The following MAU2 variants were observed in gnomAD, a reference collection of about 807,000 sequenced individuals.
MAU2 encodes MAU2 sister chromatid cohesion factor, also known as MAU2 chromatid cohesion factor homolog.
MAU2 carries 9 observed loss-of-function variants against 89.1 expected under a neutral mutation model. The ratio of observed to expected loss-of-function variants is 0.10; its 90% confidence interval spans 0.06 to 0.18. The LOEUF is 0.18. MAU2 is among the 10% of genes least tolerant of loss of function. The probability of loss-of-function intolerance (pLI) is 1.00; values close to 1 mark genes in which losing one functional copy is unlikely to be tolerated. For missense variants in MAU2, 425 were observed against 803.5 expected (o/e 0.53, Z 5.69); for synonymous variants, 357 against 343.4 (o/e 1.04, Z -0.44).
At chr19:19,335,585 G>A (rs576007652) in intron 1 of MAU2, 133 bp from the exon 2 acceptor site, 128 of 839,146 alleles carry the variant, frequency 1.5e-4, no homozygotes, top group African/African-American at 2.7e-4. Flanking sequence ...CAGGCCAAGC[G>A]GGCCGCCTTC....
At position 19,344,210 on chromosome 19, in the gene MAU2, G is replaced by C; in HGVS notation, c.1077+270G>C. ...GTGGATCACTTGAGGCCAGGAGTTT[G>C]AGACCAGCCTGGCCAACATGGCGAA... On this transcript the variant is annotated intron_variant, in intron 10 of 18. Coordinates refer to ENST00000262815, the MANE Select transcript of MAU2 (RefSeq NM_015329.4). The C allele has an allele frequency of 1.2e-5, 5 of 420,336 alleles. No homozygotes were observed. The South Asian group carries it at 1.2e-4, about 10-fold the overall frequency. 26.0% of individuals were successfully genotyped at this position (420,336 alleles called of 1,614,324 possible). A position where few individuals can be genotyped will look rare whatever the true frequency, so the allele number is the denominator to read the frequency against.
intron 13 of MAU2, chr19:19,348,247 C>G (rs1322555896): frequency 1.9e-5 from 3 of 157,426 alleles, no homozygotes; most frequent in African/African-American, 4.8e-5. Context: ...CCTGTGGTCC[C>G]AACTACTCGG....
At chr19:19,326,611 G>A (rs937021634) in intron 1 of MAU2, among the ~76,000 whole-genome samples, 2 of 150,470 alleles carry the variant, frequency 1.3e-5, no homozygotes, top group Admixed American at 6.7e-5. Context: ...GCGTGAACCC[G>A]GGCGGCGGAG....
chr19:19,335,988 G>T, intron 2 of MAU2, 134 bp from the exon 3 acceptor site: 2 of 741,126 alleles, frequency 2.7e-6, no homozygotes, highest in Non-Finnish European at 2.3e-6. Context: ...GGGGGAACAG[G>T]AAAACTTGGA....
chr19:19,332,392 A>G (rs909568018), intron 1 of MAU2, among the ~76,000 whole-genome samples: 62 of 144,026 alleles, frequency 4.3e-4, no homozygotes, highest in Admixed American at 3.0e-4. Context: ...CAGGCCGGTC[A>G]CAAAAAGAGG....
rs1160213808 is a variant in MAU2, at chr19:19,326,699, TATGTATATATATATATATATAC to T, written c.276+5567_276+5588del. On this transcript the variant is annotated intron_variant, in intron 1 of 18. Transcript: ENST00000262815. Reference sequence around the variant, plus strand: ...AGACTGTCTCAAAAAAAAATATATATATGTATATATATATATATATACATATATATATATATACACAAAAATT... The same window carrying T: ...AGACTGTCTCAAAAAAAAATATATATATATATATATATATACACAAAAATT... 1.8e-5 allele frequency among the ~76,000 whole-genome samples: 2 copies of T among 108,646 alleles called. 1 individual carries two copies. Among genetic ancestry groups the T allele is most frequent in the Admixed American group, 2.1e-4 (2 of 9,326 alleles). 71.3% of individuals were successfully genotyped at this position (108,646 alleles called of 152,430 possible).
chr19:19,336,310 C>A, intron 3 of MAU2, 123 bp downstream of exon 3: 1 of 667,678 alleles, frequency 1.5e-6, no homozygotes, highest in South Asian at 1.8e-5. Flanking sequence ...TTTTTTTGGT[C>A]GGGGTGGGAG....
At chr19:19,343,159 G>A (rs2061666336) in intron 9 of MAU2, among the ~76,000 whole-genome samples, 1 of 152,162 alleles carries the variant, frequency 6.6e-6, no homozygotes, top group African/African-American at 2.4e-5. Flanking sequence ...GTTGTGACAG[G>A]GACACTCGGG....
At chr19:19,355,212 C>T (rs2048163873) in intron 17 of MAU2, 52 bp from the exon 18 acceptor site, 1 of 1,610,598 alleles carries the variant, frequency 6.2e-7, no homozygotes. Context: ...AGTGGGAGGG[C>T]CTGGGCAGTG....
chr19:19,331,212 A>G (rs1252305131), intron 1 of MAU2, among the ~76,000 whole-genome samples: 2 of 152,004 alleles, frequency 1.3e-5, no homozygotes, highest in African/African-American at 4.8e-5. Flanking sequence ...GTTAAAAAAA[A>G]AAAACACCCG....
Position 19,345,415 on chromosome 19 carries a change from G to A in MAU2, c.1221+46G>A, listed in dbSNP as rs2061685225. 6.3e-7 allele frequency: 1 copy of A among 1,585,866 alleles called. No individual in the cohort carries two copies. Among genetic ancestry groups the A allele is most frequent in the Non-Finnish European group, 8.6e-7 (1 of 1,157,292 alleles). Reference sequence around the variant, plus strand: ...GCTGCTCGGGGCGGGCCACACTTCTGAGTAAGGAGTCGGGCGTGGTCTGTG... The same window carrying A: ...GCTGCTCGGGGCGGGCCACACTTCTAAGTAAGGAGTCGGGCGTGGTCTGTG... On this transcript the variant is annotated intron_variant, in intron 12 of 18. Coordinates refer to ENST00000262815, the MANE Select transcript of MAU2 (RefSeq NM_015329.4). The surrounding 1 kb of genome is among the most constrained non-coding windows in gnomAD (Gnocchi z 4.9).
chr19:19,337,354 C>A, intron 4 of MAU2, 89 bp downstream of exon 4: 1 of 1,019,056 alleles, frequency 9.8e-7, no homozygotes, highest in Non-Finnish European at 1.5e-6. Flanking sequence ...CAGCAGAGTC[C>A]ACGATGCGCA....
At chr19:19,342,497 C>CGTATCATTAAAAAA in intron 7 of MAU2, 38 bp from the exon 8 acceptor site, 15 of 1,516,772 alleles carry the variant, frequency 9.9e-6, no homozygotes, top group South Asian at 2.6e-5. Flanking sequence ...CCTGAGAGGC[C>CGTATCATTAAAAAA]AGGCTCAGGT....
rs2061688243 is a variant in MAU2 at position 19,345,763 on chromosome 19, C to G, written c.1221+394C>G. Among the ~76,000 whole-genome samples, 1 of 152,162 alleles carries G rather than the reference C, an allele frequency of 6.6e-6. No homozygotes were observed. The highest frequency in any genetic ancestry group is 2.4e-5 in the African/African-American group (1 of 41,434). Reference sequence around the variant, plus strand: ...GGGAGTGGTGGAGCTGGGCCATCTCCCAGGTGCTCTTTGGACAGAGGAGGA... The same window carrying G: ...GGGAGTGGTGGAGCTGGGCCATCTCGCAGGTGCTCTTTGGACAGAGGAGGA... On this transcript the variant is annotated intron_variant, in intron 12 of 18. Transcript: ENST00000262815. This position sits in a 1 kb window ranked among gnomAD's most constrained non-coding sequence, Gnocchi z 4.9.
rs761500354 is a variant in MAU2 at position 19,320,879 on chromosome 19, CAGCGGCCCA to C, written c.21_29del (p.Gln10_Ala12del). ...GCCAAAATGGCGGCTCAGGCGGCGG[CAGCGGCCCA>C]GGCGGCGGCGGCCCAGGCTGCGCAG... is the stretch of plus-strand genomic sequence containing the variant. On this transcript the variant is annotated inframe_deletion, in exon 1 of 19. Coordinates refer to ENST00000262815, the MANE Select transcript of MAU2 (RefSeq NM_015329.4). 3 of 1,513,818 alleles carry C rather than the reference CAGCGGCCCA, an allele frequency of 2.0e-6. No individual in the cohort carries two copies. The highest frequency in any genetic ancestry group is 2.6e-6 in the Non-Finnish European group (3 of 1,132,234). The allele number at this position is 1,513,818 out of a possible 1,614,324, so 93.8% of individuals were successfully genotyped here. A position where few individuals can be genotyped will look rare whatever the true frequency, so the allele number is the denominator to read the frequency against.
intron 12 of MAU2, among the ~76,000 whole-genome samples, chr19:19,346,048 G>A (rs542705416): frequency 5.9e-5 from 9 of 152,272 alleles, no homozygotes; most frequent in African/African-American, 2.2e-4. Context: ...TCTGCCACTC[G>A]GGCAAGGTCA....
intron 13 of MAU2, chr19:19,348,615 G>T: frequency 1.7e-6 from 1 of 586,786 alleles, no homozygotes; most frequent in Admixed American, 2.9e-5. Flanking sequence ...CAGCCCCTCA[G>T]CACCACTCTG....
chr19:19,355,607 G>A (rs2048168601), intron 18 of MAU2, 101 bp from the exon 19 acceptor site: 3 of 1,256,856 alleles, frequency 2.4e-6, no homozygotes, highest in East Asian at 2.3e-5. Flanking sequence ...GGAGAACAGA[G>A]TCCCGGCTGT....
chr19:19,349,569 G>T, intron 16 of MAU2, 133 bp downstream of exon 16: 1 of 756,722 alleles, frequency 1.3e-6, no homozygotes, highest in Non-Finnish European at 2.2e-6. Flanking sequence ...CTAGGTGGAT[G>T]CCCTGACTCC....
Sources: gnomAD v4.1 joint callset for allele counts (sites outside exome capture counted in the v4.1 genomes callset) on GRCh38, gnomAD v4.1.1 for gene constraint, Gnocchi (gnomAD v3.1) non-coding constraint, MANE v1.5 for transcripts, NCBI Gene and HGNC (gene_info 2026-07-23, HGNC 2026-07-21) for gene names.